The following USP43 variants were observed in gnomAD, a reference collection of about 807,000 sequenced individuals.
USP43 encodes the protein ubiquitin carboxyl-terminal hydrolase 43.
In USP43, 33 loss-of-function variants were observed where a neutral mutation model predicts 90.7. That is an observed-to-expected ratio of 0.36 (90% CI 0.28 to 0.49). The LOEUF (loss-of-function observed/expected upper bound fraction) is 0.49. Ranked by LOEUF, USP43 falls within the 20% of genes least tolerant of loss-of-function variation. The pLI is 0.98. For missense variants in USP43, 1,274 were observed against 1,476.4 expected (o/e 0.86, Z 2.25); for synonymous variants, 598 against 615.8 (o/e 0.97, Z 0.43).
chr17:9,684,492 G>A (rs892889400), intron 7 of USP43, among the ~76,000 whole-genome samples: 1 of 152,076 alleles, frequency 6.6e-6, no homozygotes, highest in Non-Finnish European at 1.5e-5. Context: ...AGCTTGGCAC[G>A]GTGGCTCACG....
rs746710515 is a variant in USP43, at chr17:9,727,960, T to G, written c.2342T>G (p.Leu781Trp). 9.7e-5 allele frequency: 155 copies of G among 1,600,834 alleles called. No homozygotes were observed. The highest frequency in any genetic ancestry group is 1.5e-4 in the Admixed American group (9 of 59,076). ...NSLCNQEKGGLEPRRLVRGVK... is the reference protein window; with the variant it reads ...NSLCNQEKGGWEPRRLVRGVK... ...GTCTCTCTGTCTCTTTCAGGAGGGT[T>G]GGAGCCCAGGCGTTTGGTACGGGGC... The change falls in exon 15 of 15, where the codon TTG (leucine) becomes TGG (tryptophan). Residue 781 changes from leucine to tryptophan, a missense_variant. Around this residue, in one of 6 missense-constraint regions of USP43, gnomAD observed 285 missense variants for 349.6 expected, o/e 0.82. Transcript: ENST00000285199.
intron 3 of USP43, among the ~76,000 whole-genome samples, chr17:9,670,056 T>TTTTTTTTTTA (rs201196910): frequency 6.6e-6 from 1 of 150,906 alleles, no homozygotes; most frequent in African/African-American, 2.4e-5. Context: ...TTTTTTTTTT[T>TTTTTTTTTTA]GAGACGGAGT....
At chr17:9,690,037 A>G (rs915302736) in intron 8 of USP43, among the ~76,000 whole-genome samples, 1 of 152,128 alleles carries the variant, frequency 6.6e-6, no homozygotes, top group Non-Finnish European at 1.5e-5. Flanking sequence ...GGCTAGACGT[A>G]TGAGCTCCCT....
chr17:9,653,154 G>T (rs890151019), intron 1 of USP43, among the ~76,000 whole-genome samples: 1 of 152,188 alleles, frequency 6.6e-6, no homozygotes, highest in African/African-American at 2.4e-5. Flanking sequence ...GCCCTATCTT[G>T]TCTTGCTTCT....
At chr17:9,689,953 G>C (rs1298078002) in intron 8 of USP43, among the ~76,000 whole-genome samples, 4 of 152,168 alleles carry the variant, frequency 2.6e-5, no homozygotes. Context: ...CAAAGCCCCT[G>C]AAGTCATCTT....
At chr17:9,647,492 A>G (rs1024939728) in intron 1 of USP43, 5 of 152,124 alleles carry the variant, frequency 3.3e-5, no homozygotes, top group African/African-American at 7.2e-5. Flanking sequence ...ATAGAACCAT[A>G]ATGGTACTTA....
At chr17:9,666,113 T>G (rs1913019978) in intron 2 of USP43, among the ~76,000 whole-genome samples, 1 of 152,146 alleles carries the variant, frequency 6.6e-6, no homozygotes, top group Admixed American at 6.5e-5. Flanking sequence ...GCAGGACTGA[T>G]GGACAGAGTG....
intron 1 of USP43, among the ~76,000 whole-genome samples, chr17:9,654,942 T>G (rs1050267522): frequency 6.6e-6 from 1 of 151,914 alleles, no homozygotes; most frequent in Non-Finnish European, 1.5e-5. Context: ...TTCACTATAT[T>G]GGCTTGGCTG....
intron 7 of USP43, among the ~76,000 whole-genome samples, chr17:9,685,191 A>G (rs1485429577): frequency 6.6e-6 from 1 of 152,200 alleles, no homozygotes; most frequent in African/African-American, 2.4e-5. Context: ...GTTCTGCTTT[A>G]GCCAATTTTA....
At chr17:9,670,963 G>A (rs114478515) in intron 3 of USP43, among the ~76,000 whole-genome samples, 586 of 152,258 alleles carry the variant, frequency 3.8e-3, no homozygotes, top group African/African-American at 0.013. Flanking sequence ...GTCTCCTGCT[G>A]TCCCTGACTC....
chr17:9,689,733 A>G (rs553014105), intron 8 of USP43, among the ~76,000 whole-genome samples: 1 of 152,070 alleles, frequency 6.6e-6, no homozygotes, highest in East Asian at 1.9e-4. Context: ...CTTTTATGGT[A>G]TTTTGTAAAC....
Position 9,655,084 on chromosome 17 carries a change from G to GAA in USP43, c.505-1294_505-1293dup, listed in dbSNP as rs57985388. On this transcript the variant is annotated intron_variant, in intron 1 of 14. Coordinates refer to ENST00000285199, the MANE Select transcript of USP43 (RefSeq NM_153210.5). ...CAAGGGAAAATTAAAAGAAAGAAAGGAAAAAAAAAAAAAAAAAAAAAAAAA... is the reference window on the plus strand; with the variant it reads ...CAAGGGAAAATTAAAAGAAAGAAAGGAAAAAAAAAAAAAAAAAAAAAAAAAAA... Among the ~76,000 whole-genome samples the GAA allele has an allele frequency of 3.5e-3, 132 of 37,348 alleles. 3 individuals carry two copies. Among genetic ancestry groups the GAA allele is most frequent in the East Asian group, 0.013 (12 of 920 alleles). 24.5% of individuals were successfully genotyped at this position (37,348 alleles called of 152,430 possible). A position where few individuals can be genotyped will look rare whatever the true frequency, so the allele number is the denominator to read the frequency against.
chr17:9,681,095 G>T (rs1415655312), intron 6 of USP43, among the ~76,000 whole-genome samples: 1 of 66,882 alleles, frequency 1.5e-5, no homozygotes, highest in East Asian at 7.9e-4. Flanking sequence ...TATAATATAT[G>T]ACATATACTA....
At position 9,711,968 on chromosome 17, in the gene USP43, G is replaced by C. The variant is rs1310314819; in HGVS notation, c.2171G>C (p.Gly724Ala). 5.0e-6 allele frequency: 8 copies of C among 1,601,190 alleles called. No individual in the cohort carries two copies. The highest frequency in any genetic ancestry group is 6.8e-6 in the Non-Finnish European group (8 of 1,173,532). Reference sequence around the variant, plus strand: ...CTCCCTCTCTGTGTTTCCTCCACAGGCTCTACCAGCTCCTCCCTGTCTGAT... The same window carrying C: ...CTCCCTCTCTGTGTTTCCTCCACAGCCTCTACCAGCTCCTCCCTGTCTGAT... ...PPWSASSSMRGSTSSSLSDHW... is the reference protein window; with the variant it reads ...PPWSASSSMRASTSSSLSDHW... The change falls in exon 14 of 15, where the codon GGC (glycine) becomes GCC (alanine). Residue 724 changes from glycine (G) to alanine (A), a missense_variant and splice_region_variant. Gly to Ala is a moderately conservative substitution (Grantham distance 60). Coordinates refer to ENST00000285199, the MANE Select transcript of USP43 (RefSeq NM_153210.5).
Position 9,728,680 on chromosome 17 carries a change from C to T in USP43, c.3062C>T (p.Pro1021Leu), listed in dbSNP as rs748723913. 5.0e-6 allele frequency: 8 copies of T among 1,612,562 alleles called. No individual in the cohort carries two copies. Among genetic ancestry groups the T allele is most frequent in the African/African-American group, 4.0e-5 (3 of 75,026 alleles). The change falls in exon 15 of 15, where the codon CCC (proline) becomes CTC (leucine). Residue 1021 changes from proline to leucine, a missense_variant. This residue lies in a region of USP43 where 353 missense variants were observed against 329.7 expected (regional missense o/e 1.07). Transcript: ENST00000285199. This position sits in a 1 kb window ranked among gnomAD's most constrained non-coding sequence, Gnocchi z 6.2. ...AGGGCAGAGGTCTCTCCACAGGTGCCCCCCGTCTCCCTGGTGAGTGGCGGG... is the reference window on the plus strand; with the variant it reads ...AGGGCAGAGGTCTCTCCACAGGTGCTCCCCGTCTCCCTGGTGAGTGGCGGG... ...NERAEVSPQV[P>L]PVSLVSGGLS...
In USP43 at chr17:9,729,342, C is replaced by T. The variant is rs148793246; in HGVS notation, c.*352C>T. On this transcript the variant is annotated 3_prime_UTR_variant, in exon 15 of 15. Transcript: ENST00000285199. ...CTGGTTTAATAAGAATCTTCAATGT[C>T]ATGTCAAATACTGTCAATGGCTTTT... The T allele has an allele frequency of 6.2e-3, 1,036 of 167,404 alleles. 9 individuals carry two copies. Among genetic ancestry groups the T allele is most frequent in the Non-Finnish European group, 9.8e-3 (780 of 79,598 alleles). 10.4% of individuals were successfully genotyped at this position (167,404 alleles called of 1,614,324 possible). A position where few individuals can be genotyped will look rare whatever the true frequency, so the allele number is the denominator to read the frequency against.
intron 7 of USP43, 104 bp downstream of exon 7, chr17:9,683,062 A>G (rs1914398133): frequency 6.9e-7 from 1 of 1,440,768 alleles, no homozygotes; most frequent in African/African-American, 1.4e-5. Context: ...CAAGGTTAAT[A>G]AACTAGGAGC....
At chr17:9,655,102 A>AT (rs1405974167) in intron 1 of USP43, among the ~76,000 whole-genome samples, 5 of 147,852 alleles carry the variant, frequency 3.4e-5, no homozygotes, top group Non-Finnish European at 5.9e-5. Flanking sequence ...AAAAAAAAAA[A>AT]AAAAAAAAGC....
intron 10 of USP43, among the ~76,000 whole-genome samples, chr17:9,700,603 G>T (rs1915514237): frequency 6.6e-6 from 1 of 152,194 alleles, no homozygotes; most frequent in Non-Finnish European, 1.5e-5. Flanking sequence ...CTATGTGTGG[G>T]TGGTCTGGGG....
Sources: gnomAD v4.1 joint callset for allele counts (sites outside exome capture counted in the v4.1 genomes callset) on GRCh38, gnomAD v4.1.1 for gene constraint, gnomAD v4.1.1 regional missense constraint, Gnocchi (gnomAD v3.1) non-coding constraint, MANE v1.5 for transcripts, NCBI Gene and HGNC (gene_info 2026-07-23, HGNC 2026-07-21) for gene names.